SAMD3: variants seen among roughly 807,000 people sequenced by gnomAD.
SAMD3 encodes sterile alpha motif domain-containing protein 3.
SAMD3 carries 63 observed loss-of-function variants against 58.5 expected under a neutral mutation model. The observed-to-expected ratio is 1.08, with a 90% CI of 0.88 to 1.33. The LOEUF (loss-of-function observed/expected upper bound fraction) is 1.33. Ranked by LOEUF, SAMD3 falls within the 40% of genes most tolerant of loss-of-function variation. SAMD3 has a pLI of 0.00. For missense variants in SAMD3, 604 were observed against 608.4 expected (o/e 0.99, Z 0.08); for synonymous variants, 220 against 210.3 (o/e 1.05, Z -0.40).
In SAMD3 at chr6:130,144,802, C is replaced by G. The variant is rs746334036; in HGVS notation, c.1281G>C (p.Val427=). The change falls in exon 12 of 12, where the codon GTG becomes GTC. Residue 427 remains valine, a splice_region_variant and synonymous_variant. Coordinates refer to ENST00000439090, the MANE Select transcript of SAMD3 (RefSeq NM_001017373.4). ...CTTCCAACACAGGTGTGGACACTTG[C>G]ACCTGAAAAAAAGAGTGGAGTCATT... ...PSLFVIMNEQ[V]QVSTPVLEVK... The G allele has an allele frequency of 6.2e-7, 1 of 1,602,368 alleles. No individual in the cohort carries two copies. Among genetic ancestry groups the G allele is most frequent in the Non-Finnish European group, 8.5e-7 (1 of 1,176,088 alleles).
chr6:130,194,091 T>C (rs1267454410), intron 5 of SAMD3, among the ~76,000 whole-genome samples: 2 of 152,058 alleles, frequency 1.3e-5, no homozygotes, highest in African/African-American at 4.8e-5. Flanking sequence ...TCACCACCCC[T>C]CCTCACACCC....
At chr6:130,364,863 A>T (rs1323067609) in intron 1 of SAMD3, among the ~76,000 whole-genome samples, 1 of 151,802 alleles carries the variant, frequency 6.6e-6, no homozygotes, top group Non-Finnish European at 1.5e-5. Flanking sequence ...CTAATGTGGA[A>T]ATTTTTGCAT....
intron 2 of SAMD3, among the ~76,000 whole-genome samples, chr6:130,249,647 C>T (rs941057295): frequency 3.3e-5 from 5 of 152,060 alleles, no homozygotes; most frequent in Admixed American, 2.6e-4. Flanking sequence ...ATGATAAGCT[C>T]AAAAGATATT....
intron 2 of SAMD3, among the ~76,000 whole-genome samples, chr6:130,256,145 T>A (rs1244939783): frequency 6.6e-6 from 1 of 151,238 alleles, no homozygotes; most frequent in Non-Finnish European, 1.5e-5. Flanking sequence ...AAGCACCAAA[T>A]AGATAAAGAT....
intron 2 of SAMD3, among the ~76,000 whole-genome samples, chr6:130,281,957 C>G (rs999744861): frequency 1.3e-5 from 2 of 152,114 alleles, no homozygotes; most frequent in African/African-American, 4.8e-5. Flanking sequence ...TTCAAATAAT[C>G]CATGTTTTCT....
chr6:130,294,306 C>A (rs1300163172), intron 2 of SAMD3, among the ~76,000 whole-genome samples: 1 of 152,222 alleles, frequency 6.6e-6, no homozygotes, highest in African/African-American at 2.4e-5. Flanking sequence ...AAAATCTACA[C>A]AACTCTGAAA....
At chr6:130,251,035 A>G (rs968250414) in intron 2 of SAMD3, among the ~76,000 whole-genome samples, 1 of 152,320 alleles carries the variant, frequency 6.6e-6, no homozygotes. Flanking sequence ...CAGCAGAAAC[A>G]TTTTATATTC....
chr6:130,315,357 A>C (rs572409286), intron 1 of SAMD3, among the ~76,000 whole-genome samples: 1 of 152,310 alleles, frequency 6.6e-6, no homozygotes, highest in South Asian at 2.1e-4. Context: ...TTTTCATAAG[A>C]ACCAGTGAAT....
At chr6:130,242,202 AT>A (rs958685884) in intron 2 of SAMD3, among the ~76,000 whole-genome samples, 3 of 151,754 alleles carry the variant, frequency 2.0e-5, no homozygotes, top group East Asian at 1.9e-4. Context: ...TAGGTTGGCA[AT>A]TTTTTTTTCT....
chr6:130,144,228 T>C (rs1788411623), downstream of SAMD3: 6 of 375,258 alleles, frequency 1.6e-5, no homozygotes, highest in South Asian at 2.1e-4. Context: ...AGGATTTGAG[T>C]ACAGTGTATT....
chr6:130,188,225 A>G (rs1052041290), intron 5 of SAMD3, among the ~76,000 whole-genome samples: 1 of 152,206 alleles, frequency 6.6e-6, no homozygotes, highest in African/African-American at 2.4e-5. Flanking sequence ...AGGCTCACAC[A>G]GGGTAGGAAA....
In SAMD3 at chr6:130,184,477, A is replaced by T. The variant is rs1353964224; in HGVS notation, c.530T>A (p.Phe177Tyr). ...DHSMRIRIIE[F>Y]LQADMTKYLE... Reference sequence around the variant, plus strand: ...ATACTTAGTCATGTCGGCCTGGAGAAACTCAATGATCCTTATCCTCATGCT... The same window carrying T: ...ATACTTAGTCATGTCGGCCTGGAGATACTCAATGATCCTTATCCTCATGCT... The change falls in exon 6 of 12, where the codon TTT becomes TAT. Residue 177 changes from phenylalanine (F) to tyrosine (Y), a missense_variant. Phe to Tyr is a conservative substitution (Grantham distance 22). Coordinates refer to ENST00000439090, the MANE Select transcript of SAMD3 (RefSeq NM_001017373.4). 2 of 1,614,002 alleles carry T rather than the reference A, an allele frequency of 1.2e-6. No individual in the cohort carries two copies. Among genetic ancestry groups the T allele is most frequent in the Non-Finnish European group, 1.7e-6 (2 of 1,180,006 alleles).
At chr6:130,333,426 G>T (rs1274139209) in intron 1 of SAMD3, among the ~76,000 whole-genome samples, 1 of 152,100 alleles carries the variant, frequency 6.6e-6, no homozygotes, top group Non-Finnish European at 1.5e-5. Context: ...GAGTAACTAA[G>T]ATTCCGAGAT....
chr6:130,292,498 G>A (rs1775406651), intron 2 of SAMD3, among the ~76,000 whole-genome samples: 1 of 151,820 alleles, frequency 6.6e-6, no homozygotes, highest in African/African-American at 2.4e-5. Flanking sequence ...TGTTGGCCGG[G>A]CTGGTCTCGA....
At position 130,286,256 on chromosome 6, in the gene SAMD3, A is replaced by C. The variant is rs547519193; in HGVS notation, c.-188+26722T>G. ...ACACACTTCATTGACCCAACACAGG[A>C]TGGCCAGAAGGGAGGAAAAGTGAGC... is the stretch of plus-strand genomic sequence containing the variant. On this transcript the variant is annotated intron_variant, in intron 2 of 13. Transcript: ENST00000368134. 13 of 152,362 alleles carry C rather than the reference A, an allele frequency of 8.5e-5. 1 individual carries two copies. Among genetic ancestry groups the C allele is most frequent in the Middle Eastern group, 6.7e-3 (2 of 298 alleles). 9.4% of individuals were successfully genotyped at this position (152,362 alleles called of 1,614,324 possible).
At position 130,273,315 on chromosome 6, in the gene SAMD3, C is replaced by G. The variant is rs578090276; in HGVS notation, c.-188+39663G>C. Among the ~76,000 whole-genome samples the G allele has an allele frequency of 7.2e-5, 11 of 152,202 alleles. No homozygotes were observed. The South Asian group carries it at 1.7e-3, about 23-fold the overall frequency. ...TTGTTTGACAGAAGTATAGTCACCTCTGCTCTCATTTGGTCACTATTTGTA... is the reference window on the plus strand; with the variant it reads ...TTGTTTGACAGAAGTATAGTCACCTGTGCTCTCATTTGGTCACTATTTGTA... On this transcript the variant is annotated intron_variant, in intron 2 of 13. Transcript: ENST00000368134.
At chr6:130,256,622 G>C (rs1292311403) in intron 2 of SAMD3, among the ~76,000 whole-genome samples, 1 of 152,038 alleles carries the variant, frequency 6.6e-6, no homozygotes, top group Non-Finnish European at 1.5e-5. Flanking sequence ...TTACTTGTCT[G>C]TTTATGACTA....
intron 7 of SAMD3, among the ~76,000 whole-genome samples, chr6:130,180,226 T>C (rs1203913028): frequency 3.3e-5 from 5 of 151,090 alleles, no homozygotes; most frequent in Non-Finnish European, 7.4e-5. Context: ...GCTCTAGTGG[T>C]CCTCCCACCT....
At chr6:130,314,061 G>C (rs978356722) in intron 1 of SAMD3, among the ~76,000 whole-genome samples, 4 of 152,156 alleles carry the variant, frequency 2.6e-5, no homozygotes, top group Non-Finnish European at 5.9e-5. Flanking sequence ...AATCTGCTAC[G>C]TGTAGCCAGA....
Sources: allele counts gnomAD v4.1 joint callset (sites outside exome capture counted in the v4.1 genomes callset), GRCh38; gene constraint gnomAD v4.1.1; transcripts MANE v1.5; gene names NCBI Gene and HGNC (gene_info 2026-07-23, HGNC 2026-07-21).